GPR50: variants seen among roughly 807,000 people sequenced by gnomAD.
GPR50 encodes melatonin-related receptor.
Under a neutral mutation model 2.6 loss-of-function variants are expected in GPR50, and 1 was observed. The observed-to-expected ratio is 0.38, with a 90% confidence interval of 0.13 to 1.79. The LOEUF (loss-of-function observed/expected upper bound fraction) is 1.79, where lower values mean the gene tolerates loss of function less well. Ranked by LOEUF, GPR50 falls within the 40% of genes most tolerant of loss-of-function variation. GPR50 has a pLI of 0.33. For missense variants in GPR50, 535 were observed against 522.1 expected, an observed-to-expected ratio of 1.02 and a Z score of -0.24; for synonymous variants, 233 against 202.3, an observed-to-expected ratio of 1.15 and a Z score of -1.29.
chrX:151,177,012 A>G, intron 1 of GPR50, 104 bp downstream of exon 1: 2 of 545,441 alleles, frequency 3.7e-6, no homozygotes, highest in Non-Finnish European at 6.1e-6. Context: ...CAGTGCCCTC[A>G]TATTGAACAT....
rs760418647 is a variant in GPR50, at chrX:151,179,776, A to G, written c.193A>G (p.Ile65Val). 5 of 1,155,096 alleles carry G rather than the reference A, an allele frequency of 4.3e-6. No individual in the cohort carries two copies. The East Asian group carries it at 1.2e-4, about 28-fold the overall frequency. The change falls in exon 2 of 2, where the codon ATC (isoleucine) becomes GTC (valine). Residue 65 changes from isoleucine (I) to valine (V), a missense_variant. Transcript: ENST00000218316. ...TCCCTCGATATGTTTTTCAGGCAAC[A>G]TCTTCGTGGTCAGTCTCTCTGTGGC... ...KNKKLRNSGNIFVVSLSVADM... is the reference protein window; with the variant it reads ...KNKKLRNSGNVFVVSLSVADM...
At chrX:151,182,079 C>A (rs151304530), downstream of GPR50, among the ~76,000 whole-genome samples, 3 of 112,366 alleles carry the variant, frequency 2.7e-5, no homozygotes, top group Admixed American at 2.8e-4. Context: ...ATTTTTTATG[C>A]CTATGAGATC....
chrX:151,176,699 T>G lies in GPR50; in HGVS notation c.-23T>G. 2 of 1,124,631 alleles carry G rather than the reference T, an allele frequency of 1.8e-6. No homozygotes were observed. Among genetic ancestry groups the G allele is most frequent in the Non-Finnish European group, 2.4e-6 (2 of 837,928 alleles). The allele number at this position is 1,124,631 out of a possible 1,213,427, so 92.7% of individuals were successfully genotyped here. A position where few individuals can be genotyped will look rare whatever the true frequency, so the allele number is the denominator to read the frequency against. On this transcript the variant is annotated 5_prime_UTR_variant, in exon 1 of 2. Coordinates refer to ENST00000218316, the MANE Select transcript of GPR50 (RefSeq NM_004224.3). Reference sequence around the variant, plus strand: ...TGCTGATCCTGAGCCTGCTGGGAGATCTTAACGATCCCCAGGAGCAACATG... The same window carrying G: ...TGCTGATCCTGAGCCTGCTGGGAGAGCTTAACGATCCCCAGGAGCAACATG...
chrX:151,176,750 C>A lies in GPR50; in HGVS notation c.29C>A (p.Pro10His). 8.3e-7 allele frequency: 1 copy of A among 1,203,487 alleles called. No individual in the cohort carries two copies. Among genetic ancestry groups the A allele is most frequent in the East Asian group, 3.0e-5 (1 of 33,563 alleles). ...GGGCCCACCCTAGCGGTTCCCACCCCCTATGGCTGTATTGGCTGTAAGCTA... is the reference window on the plus strand; with the variant it reads ...GGGCCCACCCTAGCGGTTCCCACCCACTATGGCTGTATTGGCTGTAAGCTA... MGPTLAVPT[P>H]YGCIGCKLPQ... Residue 10 changes from proline to histidine, a missense_variant, in exon 1 of 2, where the codon CCC becomes CAC. Transcript: ENST00000218316.
In GPR50 at chrX:151,180,999, C is replaced by T. The variant is rs1404942451; in HGVS notation, c.1416C>T (p.Ser472=). The part of the protein sequence containing the change: ...PDSVHFKPAS[S]NPKPITGHHV... ...CTGTTCATTTCAAGCCTGCTTCCAG[C>T]AACCCCAAGCCCATCACTGGCCACC... Residue 472 remains serine, a synonymous_variant, in exon 2 of 2, where the codon AGC becomes AGT. Coordinates refer to ENST00000218316, the MANE Select transcript of GPR50 (RefSeq NM_004224.3). 3.3e-6 allele frequency: 4 copies of T among 1,211,354 alleles called. No homozygotes were observed. Among genetic ancestry groups the T allele is most frequent in the Non-Finnish European group, 4.5e-6 (4 of 895,181 alleles).
chrX:151,180,207 C>T lies in GPR50; in HGVS notation c.624C>T (p.Tyr208=), dbSNP rs1358930259. The part of the protein sequence containing the change: ...VLPLLIVGFC[Y]VRIWTKVLAA... The stretch of plus-strand genomic sequence containing the variant: ...CTCTCCTCATCGTGGGTTTCTGCTA[C>T]GTGAGGATCTGGACCAAAGTGCTGG... The change falls in exon 2 of 2, where the codon TAC becomes TAT. Residue 208 remains tyrosine (Y), a synonymous_variant. Coordinates refer to ENST00000218316, the MANE Select transcript of GPR50 (RefSeq NM_004224.3). 14 of 1,203,383 alleles carry T rather than the reference C, an allele frequency of 1.2e-5. No homozygotes were observed. The highest frequency in any genetic ancestry group is 3.5e-5 in the South Asian group (2 of 56,736).
At chrX:151,179,709 T>TGGTCGCCGTATCATTAAAA in intron 1 of GPR50, 62 bp from the exon 2 acceptor site, 1 of 818,801 alleles carries the variant, frequency 1.2e-6, no homozygotes. Context: ...TAGATTTCTG[T>TGGTCGCCGTATCATTAAAA]ACTTAAACCA....
In GPR50 at chrX:151,181,228, G is replaced by C. The variant is rs1310076466; in HGVS notation, c.1645G>C (p.Ala549Pro). ...TGCCTCCCATTGCCCCGAGATCCCT[G>C]CCATTGCCCACCCTGTGTCTGACGA... ...LSASHCPEIP[A>P]IAHPVSDDSD... The change falls in exon 2 of 2, where the codon GCC becomes CCC. Residue 549 changes from alanine (A) to proline (P), a missense_variant. Ala to Pro is a conservative substitution (Grantham distance 27). Transcript: ENST00000218316. 2 of 1,208,379 alleles carry C rather than the reference G, an allele frequency of 1.7e-6. No homozygotes were observed. Among genetic ancestry groups the C allele is most frequent in the African/African-American group, 3.5e-5 (2 of 56,958 alleles).
At chrX:151,179,695 T>G in intron 1 of GPR50, 76 bp from the exon 2 acceptor site, 1 of 695,820 alleles carries the variant, frequency 1.4e-6, no homozygotes, top group Non-Finnish European at 2.2e-6. Context: ...GCACCTTAAA[T>G]GTGTAGATTT....
chrX:151,180,705 T>G lies in GPR50; in HGVS notation c.1122T>G (p.Ala374=). ...NVRNVPLPGD[A]AAGHPDRASG... ...GGAATGTTCCATTACCTGGTGATGC[T>G]GCAGCTGGCCACCCCGACCGTGCCT... Residue 374 remains alanine, a synonymous_variant, in exon 2 of 2, where the codon GCT becomes GCG. Transcript: ENST00000218316. 8.3e-7 allele frequency: 1 copy of G among 1,211,590 alleles called. No homozygotes were observed. The highest frequency in any genetic ancestry group is 1.1e-6 in the Non-Finnish European group (1 of 895,428).
Position 151,181,290 on chromosome X carries a change from T to C in GPR50, c.1707T>C (p.Ala569=). The C allele has an allele frequency of 8.3e-7, 1 of 1,211,296 alleles. No homozygotes were observed. The highest frequency in any genetic ancestry group is 1.1e-6 in the Non-Finnish European group (1 of 895,222). The part of the protein sequence containing the change: ...DLPESASSPA[A]GPTKPAASQL... ...CTGAGTCGGCCTCTAGCCCTGCCGC[T>C]GGGCCCACCAAGCCTGCTGCCAGCC... Residue 569 remains alanine (A), a synonymous_variant, in exon 2 of 2, where the codon GCT becomes GCC. Coordinates refer to ENST00000218316, the MANE Select transcript of GPR50 (RefSeq NM_004224.3).
rs775520411 is a variant in GPR50, at chrX:151,180,052, G to T, written c.469G>T (p.Val157Phe). Residue 157 changes from valine (V) to phenylalanine (F), a missense_variant, in exon 2 of 2, where the codon GTC becomes TTC. Val to Phe is a conservative substitution (Grantham distance 50, BLOSUM62 -1). Coordinates refer to ENST00000218316, the MANE Select transcript of GPR50 (RefSeq NM_004224.3). Reference sequence around the variant, plus strand: ...CCTGGTCATCACCTGGATCATGACCGTCCTGGCTGTCCTGCCCAACATGTA... The same window carrying T: ...CCTGGTCATCACCTGGATCATGACCTTCCTGGCTGTCCTGCCCAACATGTA... ...IYLVITWIMT[V>F]LAVLPNMYIG... 86 of 1,209,382 alleles carry T rather than the reference G, an allele frequency of 7.1e-5. No individual in the cohort carries two copies. Among genetic ancestry groups the T allele is most frequent in the Non-Finnish European group, 9.2e-5 (82 of 894,859 alleles).
In GPR50 at chrX:151,179,960, G is replaced by C. The variant is rs755302073; in HGVS notation, c.377G>C (p.Arg126Pro). The C allele has an allele frequency of 8.3e-7, 1 of 1,210,952 alleles. No homozygotes were observed. The highest frequency in any genetic ancestry group is 1.1e-6 in the Non-Finnish European group (1 of 895,058). The change falls in exon 2 of 2, where the codon CGT (arginine) becomes CCT (proline). Residue 126 changes from arginine to proline, a missense_variant. By Grantham distance (103) the Arg-to-Pro change is moderately radical. Coordinates refer to ENST00000218316, the MANE Select transcript of GPR50 (RefSeq NM_004224.3). ...IFNIVAIAIN[R>P]YCYICHSLQY... Reference sequence around the variant, plus strand: ...AACATCGTGGCAATCGCTATCAACCGTTACTGCTACATCTGCCACAGCCTC... The same window carrying C: ...AACATCGTGGCAATCGCTATCAACCCTTACTGCTACATCTGCCACAGCCTC...
rs750707900 is a variant in GPR50 at position 151,179,858 on chromosome X, G to T, written c.275G>T (p.Gly92Val). Reference protein sequence around the residue: ...YPLMLHAMSIGGWDLSQLQCQ... With the variant: ...YPLMLHAMSIVGWDLSQLQCQ... ...TTGATGCTGCATGCCATGTCCATTG[G>T]GGGCTGGGATCTGAGCCAGTTACAG... Residue 92 changes from glycine to valine, a missense_variant, in exon 2 of 2, where the codon GGG (glycine) becomes GTG (valine). Physicochemically the swap from Gly to Val is moderately radical, Grantham distance 109. Transcript: ENST00000218316. 20 of 1,207,977 alleles carry T rather than the reference G, an allele frequency of 1.7e-5. No homozygotes were observed. The highest frequency in any genetic ancestry group is 2.1e-5 in the Non-Finnish European group (19 of 894,006).
chrX:151,178,181 G>C (rs1463853359), intron 1 of GPR50, among the ~76,000 whole-genome samples: 2 of 111,726 alleles, frequency 1.8e-5, no homozygotes, highest in Admixed American at 9.4e-5. Context: ...GGCAGGGCGT[G>C]GGGGAGAGGT....
At position 151,180,714 on chromosome X, in the gene GPR50, C is replaced by T. The variant is rs1350535868; in HGVS notation, c.1131C>T (p.Gly377=). 4 of 1,210,982 alleles carry T rather than the reference C, an allele frequency of 3.3e-6. No homozygotes were observed. In the South Asian group the frequency reaches 5.3e-5, roughly 16 times the overall value. Residue 377 remains glycine (G), a synonymous_variant, in exon 2 of 2, where the codon GGC becomes GGT. Coordinates refer to ENST00000218316, the MANE Select transcript of GPR50 (RefSeq NM_004224.3). ...CATTACCTGGTGATGCTGCAGCTGG[C>T]CACCCCGACCGTGCCTCTGGCCACC... ...NVPLPGDAAA[G]HPDRASGHPK...
At position 151,180,657 on chromosome X, in the gene GPR50, G is replaced by A. The variant is rs1366256231; in HGVS notation, c.1074G>A (p.Val358=). The change falls in exon 2 of 2, where the codon GTG becomes GTA. Residue 358 remains valine (V), a synonymous_variant. Coordinates refer to ENST00000218316, the MANE Select transcript of GPR50 (RefSeq NM_004224.3). ...EQDRAHACPA[V]EETPMNVRNV... is the part of the protein sequence containing the mutation. ...ACCGTGCCCATGCCTGTCCTGCTGT[G>A]GAGGAAACCCCGATGAATGTCCGGA... is the stretch of plus-strand genomic sequence containing the variant. 1 of 1,211,463 alleles carries A rather than the reference G, an allele frequency of 8.3e-7. No homozygotes were observed. Among genetic ancestry groups the A allele is most frequent in the Non-Finnish European group, 1.1e-6 (1 of 895,381 alleles).
In GPR50 at chrX:151,180,453, C is replaced by T. The variant is rs778612250; in HGVS notation, c.870C>T (p.Asn290=). ...YFIAYFNSCL[N]AVIYGLLNEN... is the part of the protein sequence containing the mutation. The stretch of plus-strand genomic sequence containing the variant: ...TAGCCTACTTCAACAGCTGCCTCAA[C>T]GCTGTGATCTACGGGCTCCTCAATG... Residue 290 remains asparagine (N), a synonymous_variant, in exon 2 of 2, where the codon AAC becomes AAT. Coordinates refer to ENST00000218316, the MANE Select transcript of GPR50 (RefSeq NM_004224.3). 8.3e-6 allele frequency: 10 copies of T among 1,208,712 alleles called. No individual in the cohort carries two copies. The highest frequency in any genetic ancestry group is 2.3e-4 in the Middle Eastern group (1 of 4,375).
In GPR50 at chrX:151,181,327, G is replaced by A; in HGVS notation, c.1744G>A (p.Asp582Asn). ...TKPAASQLESDTIADLPDPTV... is the reference protein window; with the variant it reads ...TKPAASQLESNTIADLPDPTV... ...GCCTGCTGCCAGCCAGCTGGAGTCT[G>A]ACACCATCGCTGACCTTCCTGACCC... The change falls in exon 2 of 2, where the codon GAC (aspartate) becomes AAC (asparagine). Residue 582 changes from aspartate (D) to asparagine (N), a missense_variant. Coordinates refer to ENST00000218316, the MANE Select transcript of GPR50 (RefSeq NM_004224.3). 1 of 1,208,582 alleles carries A rather than the reference G, an allele frequency of 8.3e-7. No individual in the cohort carries two copies. The highest frequency in any genetic ancestry group is 2.3e-4 in the Middle Eastern group (1 of 4,346).
Sources: allele counts gnomAD v4.1 joint callset (sites outside exome capture counted in the v4.1 genomes callset), GRCh38; gene constraint gnomAD v4.1.1; transcripts MANE v1.5; gene names NCBI Gene and HGNC (gene_info 2026-07-23, HGNC 2026-07-21).